The following RERE variants were observed in gnomAD, a reference collection of about 807,000 sequenced individuals.
The protein encoded by RERE is arginine-glutamic acid dipeptide repeats protein.
A neutral mutation model predicts 146.1 loss-of-function variants in RERE; 40 were observed. The observed-to-expected ratio is 0.27, with a 90% CI of 0.21 to 0.36. The LOEUF (loss-of-function observed/expected upper bound fraction) is 0.36. RERE is among the 10% of genes least tolerant of loss of function. The pLI is 1.00. For synonymous variants in RERE, 1,003 were observed against 866.0 expected, an observed-to-expected ratio of 1.16 and a Z score of -2.78; for missense variants, 1,933 against 2,138.7, an observed-to-expected ratio of 0.90 and a Z score of 1.90.
At chr1:8,625,949 A>C in intron 2 of RERE, among the ~76,000 whole-genome samples, 1 of 152,336 alleles carries the variant, frequency 6.6e-6, no homozygotes, top group Admixed American at 6.5e-5. Context: ...TCTCTACTCA[A>C]AGATGGACTC....
intron 1 of RERE, among the ~76,000 whole-genome samples, chr1:8,794,460 G>A (rs1372575880): frequency 1.3e-5 from 2 of 151,556 alleles, no homozygotes; most frequent in South Asian, 2.1e-4. Context: ...CTGGACCTGT[G>A]ATTGTTGAGG....
intron 9 of RERE, among the ~76,000 whole-genome samples, 164 bp from the exon 10 acceptor site, chr1:8,495,326 T>C (rs1333321427): frequency 1.3e-5 from 2 of 151,968 alleles, no homozygotes; most frequent in East Asian, 1.9e-4. Context: ...TTTTTTTTTT[T>C]TCTTTTGAGA....
At chr1:8,670,241 C>T (rs1299192645) in intron 1 of RERE, among the ~76,000 whole-genome samples, 1 of 152,292 alleles carries the variant, frequency 6.6e-6, no homozygotes, top group Non-Finnish European at 1.5e-5. Context: ...CAACTAGTAA[C>T]TAACCAGGGA....
intron 1 of RERE, among the ~76,000 whole-genome samples, chr1:8,707,949 T>C (rs1477533059): frequency 1.3e-5 from 2 of 150,662 alleles, no homozygotes; most frequent in African/African-American, 2.5e-5. Context: ...TTACAATGTA[T>C]TGTTATAATT....
At chr1:8,355,738 G>T in intron 21 of RERE, 139 bp from the exon 22 acceptor site, 2 of 756,932 alleles carry the variant, frequency 2.6e-6, no homozygotes, top group East Asian at 3.0e-5. Flanking sequence ...CCCAGACTCT[G>T]CAGACAGCCA....
intron 1 of RERE, among the ~76,000 whole-genome samples, chr1:8,694,157 G>A (rs974578851): frequency 6.6e-6 from 1 of 151,898 alleles, no homozygotes; most frequent in African/African-American, 2.4e-5. Flanking sequence ...GAAATAAAAG[G>A]CATCCAAACA....
At chr1:8,732,748 G>T (rs566653509) in intron 1 of RERE, among the ~76,000 whole-genome samples, 17 of 149,308 alleles carry the variant, frequency 1.1e-4, no homozygotes, top group Non-Finnish European at 2.1e-4. Flanking sequence ...CTCTGTGTGT[G>T]TGTCTGTATA....
intron 11 of RERE, among the ~76,000 whole-genome samples, chr1:8,453,870 T>A (rs1287568139): frequency 6.6e-6 from 1 of 152,216 alleles, no homozygotes; most frequent in Non-Finnish European, 1.5e-5. Context: ...ATAACCAAGC[T>A]TACTTAGCTC....
intron 1 of RERE, among the ~76,000 whole-genome samples, chr1:8,797,362 A>G (rs1267490765): frequency 8.4e-6 from 1 of 119,186 alleles, no homozygotes; most frequent in Admixed American, 9.6e-5. Context: ...TAGGTGACAG[A>G]GTAAGACTCC....
Position 8,358,829 on chromosome 1 carries a change from G to A in RERE, c.3706C>T (p.Pro1236Ser). 1 of 1,609,930 alleles carries A rather than the reference G, an allele frequency of 6.2e-7. No homozygotes were observed. Among genetic ancestry groups the A allele is most frequent in the East Asian group, 2.2e-5 (1 of 44,844 alleles). ...GGGGGCACAGCAGCAATGGTGGTTGGTGGTGGCTCGAAGGATGGCCGCATG... is the reference window on the plus strand; with the variant it reads ...GGGGGCACAGCAGCAATGGTGGTTGATGGTGGCTCGAAGGATGGCCGCATG... ...GHMRPSFEPP[P>S]TTIAAVPPYI... The change falls in exon 20 of 23, where the codon CCA becomes TCA. Residue 1236 changes from proline (P) to serine (S), a missense_variant. Coordinates refer to ENST00000400908, the MANE Select transcript of RERE (RefSeq NM_001042681.2).
chr1:8,510,081 A>G (rs909424343), intron 7 of RERE, among the ~76,000 whole-genome samples: 9 of 152,108 alleles, frequency 5.9e-5, no homozygotes, highest in Non-Finnish European at 1.2e-4. Flanking sequence ...GGAGGAAGAC[A>G]AGGAGGAGGA....
At chr1:8,517,541 A>G (rs549868649) in intron 7 of RERE, among the ~76,000 whole-genome samples, 3 of 152,376 alleles carry the variant, frequency 2.0e-5, no homozygotes, top group Admixed American at 2.0e-4. Context: ...TAATGTAAAT[A>G]ATATGTTTTT....
intron 1 of RERE, among the ~76,000 whole-genome samples, chr1:8,738,578 G>A (rs1270192912): frequency 3.3e-5 from 5 of 151,924 alleles, no homozygotes; most frequent in Admixed American, 3.3e-4. Context: ...CTGCAGCCCT[G>A]GTCATCCTCT....
At chr1:8,626,061 CTG>C (rs1646970156) in intron 2 of RERE, among the ~76,000 whole-genome samples, 1 of 152,162 alleles carries the variant, frequency 6.6e-6, no homozygotes, top group Admixed American at 6.5e-5. Flanking sequence ...TGCTAAATAA[CTG>C]TGCTTCAGCA....
chr1:8,450,873 G>A (rs1476470832), intron 11 of RERE, among the ~76,000 whole-genome samples: 1 of 152,120 alleles, frequency 6.6e-6, no homozygotes, highest in African/African-American at 2.4e-5. Flanking sequence ...TCTCAGGAAC[G>A]TGGAAAAGGT....
intron 12 of RERE, among the ~76,000 whole-genome samples, chr1:8,384,409 T>C (rs1642570537): frequency 6.6e-6 from 1 of 152,108 alleles, no homozygotes; most frequent in Admixed American, 6.5e-5. Flanking sequence ...TGCCATGAGG[T>C]ACTAAAACAC....
At chr1:8,732,980 C>T (rs1176045922) in intron 1 of RERE, among the ~76,000 whole-genome samples, 1 of 151,754 alleles carries the variant, frequency 6.6e-6, no homozygotes, top group Non-Finnish European at 1.5e-5. Flanking sequence ...CGCCACTACG[C>T]CCGGCTAATT....
chr1:8,507,761 C>CA (rs1316395150), intron 8 of RERE, among the ~76,000 whole-genome samples: 1 of 6,258 alleles, frequency 1.6e-4, no homozygotes, highest in Non-Finnish European at 3.3e-4. Context: ...TTTTTTGAGA[C>CA]AGAGTCTTGC....
chr1:8,474,291 A>T (rs183296990), intron 10 of RERE, among the ~76,000 whole-genome samples: 1 of 152,330 alleles, frequency 6.6e-6, no homozygotes, highest in Non-Finnish European at 1.5e-5. Context: ...TCTTGCCTAA[A>T]CAATTCTGAA....
Sources: allele counts gnomAD v4.1 joint callset (sites outside exome capture counted in the v4.1 genomes callset), GRCh38; gene constraint gnomAD v4.1.1; transcripts MANE v1.5; gene names NCBI Gene and HGNC (gene_info 2026-07-23, HGNC 2026-07-21).